The following DPRX variants were observed in gnomAD, a reference collection of about 807,000 sequenced individuals.
The protein encoded by DPRX is divergent paired-related homeobox.
DPRX carries 11 observed loss-of-function variants against 8.4 expected under a neutral mutation model. The observed-to-expected ratio is 1.31, with a 90% CI of 0.82 to 2.17. The LOEUF (loss-of-function observed/expected upper bound fraction) is 2.17. Among genes scored for constraint, DPRX ranks in the 30% most tolerant of loss-of-function variants. The pLI, the probability that DPRX is intolerant of heterozygous loss-of-function variation, is 0.00. For synonymous variants in DPRX, 72 were observed against 87.0 expected (o/e 0.83, Z 0.96); for missense variants, 211 against 236.7 (o/e 0.89, Z 0.71).
upstream of DPRX, among the ~76,000 whole-genome samples, chr19:53,631,458 G>A (rs1434344325): frequency 1.3e-5 from 2 of 151,946 alleles, no homozygotes. Flanking sequence ...TCACATTCCC[G>A]GTCCCCATTA....
At chr19:53,601,447 C>G in the DPRX span, 2 of 441,266 alleles carry the variant, frequency 4.5e-6, no homozygotes, top group South Asian at 3.1e-5. Context: ...GTGGGAAGGC[C>G]TCAGCTCTGT....
At chr19:53,601,459 G>C in the DPRX span, 15,603 of 421,270 alleles carry the variant, frequency 0.037, 390 homozygotes, top group Middle Eastern at 0.062. Flanking sequence ...CAGCTCTGTT[G>C]CAGTCGCATA....
At chr19:53,632,887 G>A (rs1323103708) in intron 1 of DPRX, among the ~76,000 whole-genome samples, 1 of 152,164 alleles carries the variant, frequency 6.6e-6, no homozygotes, top group African/African-American at 2.4e-5. Flanking sequence ...TTCCTATGAG[G>A]ATGATTAGGT....
chr19:53,608,976 G>GAAAAAAAAAA, the DPRX span, among the ~76,000 whole-genome samples: 6 of 80,654 alleles, frequency 7.4e-5, no homozygotes, highest in South Asian at 3.8e-4. Flanking sequence ...AAAAAAAAAG[G>GAAAAAAAAAA]AAAGAAAAGA....
chr19:53,624,291 GT>G, the DPRX span, among the ~76,000 whole-genome samples: 3 of 151,668 alleles, frequency 2.0e-5, no homozygotes, highest in Non-Finnish European at 2.9e-5. Context: ...GGTTTTGCCT[GT>G]TGCCCAGGCT....
At chr19:53,633,909 G>C (rs999106389) in intron 1 of DPRX, among the ~76,000 whole-genome samples, 1 of 152,120 alleles carries the variant, frequency 6.6e-6, no homozygotes, top group Non-Finnish European at 1.5e-5. Flanking sequence ...CTCCCAAAGT[G>C]CTGGGATTAC....
the DPRX span, chr19:53,601,435 G>A: frequency 2.2e-6 from 1 of 449,124 alleles, no homozygotes; most frequent in South Asian, 1.6e-5. Flanking sequence ...TTATTCCAAG[G>A]GGTGGGAAGG....
chr19:53,614,162 G>C, the DPRX span, among the ~76,000 whole-genome samples: 1 of 151,986 alleles, frequency 6.6e-6, no homozygotes, highest in Admixed American at 6.6e-5. Context: ...ATGTTAGCTA[G>C]GATGGTCTCA....
the DPRX span, chr19:53,602,121 G>A: frequency 2.2e-6 from 1 of 456,628 alleles, no homozygotes; most frequent in East Asian, 7.0e-5. Context: ...CAGGCGTTTG[G>A]GCCAATGGGC....
the DPRX span, among the ~76,000 whole-genome samples, chr19:53,612,724 A>G: frequency 6.6e-6 from 1 of 152,044 alleles, no homozygotes; most frequent in African/African-American, 2.4e-5. Context: ...AAAAAAGAAA[A>G]AAAAGACCCC....
the DPRX span, among the ~76,000 whole-genome samples, chr19:53,625,188 CTA>C: frequency 6.6e-6 from 1 of 150,982 alleles, no homozygotes; most frequent in Admixed American, 6.7e-5. Context: ...AGTACTAGGA[CTA>C]TAGGTGCATG....
chr19:53,634,945 C>T (rs1377914416), intron 2 of DPRX, among the ~76,000 whole-genome samples: 3 of 152,166 alleles, frequency 2.0e-5, no homozygotes, highest in Non-Finnish European at 4.4e-5. Context: ...AACTATGCCA[C>T]CACAGTGCGA....
chr19:53,634,339 G>A (rs1440268269), intron 1 of DPRX, among the ~76,000 whole-genome samples, 192 bp from the exon 2 acceptor site: 2 of 152,184 alleles, frequency 1.3e-5, no homozygotes, highest in Non-Finnish European at 2.9e-5. Context: ...GCTGAGGCAG[G>A]AGAATCGCTT....
the DPRX span, among the ~76,000 whole-genome samples, chr19:53,624,694 G>A: frequency 0.48 from 73,326 of 151,560 alleles, 18,060 homozygotes; most frequent in Non-Finnish European, 0.53. Flanking sequence ...GGATTACAAG[G>A]ATGTTAGAAA....
At chr19:53,601,121 A>G in the DPRX span, 1 of 381,956 alleles carries the variant, frequency 2.6e-6, no homozygotes, top group African/African-American at 2.1e-5. Flanking sequence ...GTCTCAAGCG[A>G]TGCTCCTGCC....
At chr19:53,604,843 CA>C in the DPRX span, among the ~76,000 whole-genome samples, 265 of 94,518 alleles carry the variant, frequency 2.8e-3, 1 homozygote, top group Admixed American at 4.0e-3. Flanking sequence ...ACTCTGTCTC[CA>C]AAAAAAAAAA....
chr19:53,602,686 C>T, the DPRX span, among the ~76,000 whole-genome samples: 2 of 151,960 alleles, frequency 1.3e-5, no homozygotes. Context: ...AGGCGTCTGC[C>T]ACCGTGCTCG....
At chr19:53,632,042 C>A, upstream of DPRX, 2 of 1,609,356 alleles carry the variant, frequency 1.2e-6, no homozygotes, top group Non-Finnish European at 1.7e-6. Context: ...CTACTTAAAT[C>A]CGGATTTGAT....
chr19:53,612,186 C>T, the DPRX span, among the ~76,000 whole-genome samples: 1 of 151,380 alleles, frequency 6.6e-6, no homozygotes, highest in Non-Finnish European at 1.5e-5. Context: ...GAATTCAAGA[C>T]CAGCCTGAGA....
Sources: allele counts gnomAD v4.1 joint callset (sites outside exome capture counted in the v4.1 genomes callset), GRCh38; gene constraint gnomAD v4.1.1; transcripts MANE v1.5; gene names NCBI Gene and HGNC (gene_info 2026-07-23, HGNC 2026-07-21).